ASCC3: variants seen among roughly 807,000 people sequenced by gnomAD.
ASCC3 encodes the protein activating signal cointegrator 1 complex subunit 3.
Under a neutral mutation model 256.3 loss-of-function variants are expected in ASCC3, and 158 were observed. The ratio of observed to expected loss-of-function variants is 0.62; its 90% CI spans 0.54 to 0.70. The LOEUF is 0.70. Among genes scored for constraint, ASCC3 ranks in the 30% least tolerant of loss-of-function variants. The pLI is 0.00. For missense variants in ASCC3, 2,259 were observed against 2,626.0 expected (o/e 0.86, Z 3.05); for synonymous variants, 948 against 883.4 (o/e 1.07, Z -1.30).
chr6:100,577,092 C>T (rs560192674), intron 36 of ASCC3, among the ~76,000 whole-genome samples: 270 of 151,182 alleles, frequency 1.8e-3, no homozygotes, highest in Middle Eastern at 0.01. Flanking sequence ...AGAGCTCCAA[C>T]AGAAAAAAAT....
At chr6:100,831,397 C>T (rs1375870908) in intron 4 of ASCC3, among the ~76,000 whole-genome samples, 2 of 151,654 alleles carry the variant, frequency 1.3e-5, no homozygotes, top group Admixed American at 1.3e-4. Flanking sequence ...TCTCCCTCAA[C>T]CAGAAATTCA....
intron 12 of ASCC3, among the ~76,000 whole-genome samples, chr6:100,717,219 G>A (rs1455368340): frequency 2.6e-5 from 4 of 151,876 alleles, no homozygotes; most frequent in African/African-American, 9.7e-5. Flanking sequence ...ATTTTTAGGT[G>A]AATATTTTAC....
intron 36 of ASCC3, among the ~76,000 whole-genome samples, chr6:100,583,936 A>G (rs1771476366): frequency 6.6e-6 from 1 of 152,134 alleles, no homozygotes; most frequent in Admixed American, 6.5e-5. Flanking sequence ...GTTTGATTGC[A>G]TTGTGGTCTG....
At chr6:100,763,436 C>A (rs905856936) in intron 10 of ASCC3, among the ~76,000 whole-genome samples, 1 of 152,066 alleles carries the variant, frequency 6.6e-6, no homozygotes, top group African/African-American at 2.4e-5. Flanking sequence ...TGTTCATAAA[C>A]CTTTTGAAAA....
chr6:100,718,023 A>C, intron 12 of ASCC3, 52 bp downstream of exon 12: 1 of 1,564,038 alleles, frequency 6.4e-7, no homozygotes, highest in Non-Finnish European at 8.8e-7. Flanking sequence ...ACAAGTATTC[A>C]ATAATAAGTC....
At chr6:100,652,590 G>T in intron 18 of ASCC3, 135 bp downstream of exon 18, 2 of 925,088 alleles carry the variant, frequency 2.2e-6, no homozygotes, top group Non-Finnish European at 3.3e-6. Context: ...TTTACTGAGG[G>T]TATACTGTTG....
chr6:100,837,022 G>A (rs1099911), intron 4 of ASCC3, among the ~76,000 whole-genome samples: 107,303 of 151,946 alleles, frequency 0.71, 38,113 homozygotes, highest in East Asian at 0.75. Flanking sequence ...TAAACAACTC[G>A]ATTGCAAAAT....
chr6:100,669,363 T>C (rs1160173643), intron 14 of ASCC3, among the ~76,000 whole-genome samples: 4 of 150,326 alleles, frequency 2.7e-5, no homozygotes, highest in Non-Finnish European at 5.9e-5. Context: ...ATAAAATAAG[T>C]GGAAAAAATC....
intron 37 of ASCC3, among the ~76,000 whole-genome samples, chr6:100,532,402 ATATATT>A (rs555909858): frequency 0.13 from 7,800 of 61,034 alleles, 188 homozygotes; most frequent in South Asian, 0.18. Flanking sequence ...ATATATATAT[ATATATT>A]TTTTTTTTTT....
chr6:100,680,351 G>A (rs1035762086), intron 13 of ASCC3, among the ~76,000 whole-genome samples: 1 of 152,058 alleles, frequency 6.6e-6, no homozygotes, highest in Non-Finnish European at 1.5e-5. Context: ...AAGAAGTGGG[G>A]AAAAAATGCA....
intron 37 of ASCC3, among the ~76,000 whole-genome samples, chr6:100,522,609 G>A (rs995136341): frequency 2.6e-5 from 4 of 151,936 alleles, no homozygotes; most frequent in Non-Finnish European, 2.9e-5. Flanking sequence ...GGGAAGCAGA[G>A]TGGGGTTTAC....
intron 24 of ASCC3, among the ~76,000 whole-genome samples, chr6:100,639,312 G>T (rs1372030563): frequency 6.6e-6 from 1 of 152,140 alleles, no homozygotes; most frequent in Non-Finnish European, 1.5e-5. Flanking sequence ...TAGAAAATTG[G>T]GTGGGAGTTT....
chr6:100,622,080 T>C (rs1773979985), intron 30 of ASCC3, among the ~76,000 whole-genome samples: 1 of 151,844 alleles, frequency 6.6e-6, no homozygotes, highest in African/African-American at 2.4e-5. Context: ...CTGGGGCCTG[T>C]TGAGGATGGT....
chr6:100,607,340 A>G (rs1172058309), intron 30 of ASCC3, among the ~76,000 whole-genome samples: 1 of 152,108 alleles, frequency 6.6e-6, no homozygotes, highest in Non-Finnish European at 1.5e-5. Context: ...AAAAATCTGT[A>G]GATAAATGAT....
Position 100,509,457 on chromosome 6 carries a change from T to C in ASCC3, c.6538A>G (p.Thr2180Ala), listed in dbSNP as rs761800363. 1.2e-6 allele frequency: 2 copies of C among 1,614,210 alleles called. No individual in the cohort carries two copies. The highest frequency in any genetic ancestry group is 3.3e-5 in the Admixed American group (2 of 60,030). Reference sequence around the variant, plus strand: ...ACCTGTGCAGAAAGACTCGCTTGTGTAACGTTGAGATAGATGTCATACTGC... The same window carrying C: ...ACCTGTGCAGAAAGACTCGCTTGTGCAACGTTGAGATAGATGTCATACTGC... ...DQQYDIYLNV[T>A]QASLSAQVNT... Residue 2180 changes from threonine to alanine, a missense_variant, in exon 42 of 42, where the codon ACA (threonine) becomes GCA (alanine). Physicochemically the swap from Thr to Ala is moderately conservative, Grantham distance 58 (BLOSUM62 0). Coordinates refer to ENST00000369162, the MANE Select transcript of ASCC3 (RefSeq NM_006828.4).
At chr6:100,614,805 AAAT>A (rs1194094166) in intron 30 of ASCC3, among the ~76,000 whole-genome samples, 2 of 152,176 alleles carry the variant, frequency 1.3e-5, no homozygotes, top group African/African-American at 2.4e-5. Context: ...ATGAGTTATG[AAAT>A]AATGAGTAAC....
At position 100,627,087 on chromosome 6, in the gene ASCC3, A is replaced by ATTTAATTG. The variant is rs569239338; in HGVS notation, c.4642+502_4642+503insCAATTAAA. ...TTTTGAGGTTATTTTTAATTGATAT[A>ATTTAATTG]ATAAATATTCTTTATGCAGCCCAAA... On this transcript the variant is annotated intron_variant, in intron 29 of 41. Transcript: ENST00000369162. 1.4e-3 allele frequency among the ~76,000 whole-genome samples: 214 copies of ATTTAATTG among 152,302 alleles called. 1 individual carries two copies. Among genetic ancestry groups the ATTTAATTG allele is most frequent in the African/African-American group, 4.8e-3 (201 of 41,578 alleles).
rs565720752 is a variant in ASCC3 at position 100,767,656 on chromosome 6, T to C, written c.1396-311A>G. Reference sequence around the variant, plus strand: ...CGGAGTCTCACTCTGTCGCCCTGGCTGGAGTGCACTGGCGTGATCTCGGCT... The same window carrying C: ...CGGAGTCTCACTCTGTCGCCCTGGCCGGAGTGCACTGGCGTGATCTCGGCT... On this transcript the variant is annotated intron_variant, in intron 8 of 41. Transcript: ENST00000369162. Among the ~76,000 whole-genome samples the C allele has an allele frequency of 2.6e-5, 4 of 152,250 alleles. No homozygotes were observed. The East Asian group carries it at 7.7e-4, about 29-fold the overall frequency.
At chr6:100,869,877 G>T (rs997351282) in intron 1 of ASCC3, among the ~76,000 whole-genome samples, 21 of 151,940 alleles carry the variant, frequency 1.4e-4, no homozygotes, top group Non-Finnish European at 4.4e-5. Context: ...GACAAAATTG[G>T]CTTCAAAACA....
Sources: allele counts gnomAD v4.1 joint callset (sites outside exome capture counted in the v4.1 genomes callset), GRCh38; gene constraint gnomAD v4.1.1; transcripts MANE v1.5; gene names NCBI Gene and HGNC (gene_info 2026-07-23, HGNC 2026-07-21).